The following ALK variants were observed in gnomAD, a reference collection of about 807,000 sequenced individuals.
ALK encodes ALK receptor tyrosine kinase.
A neutral mutation model predicts 163.1 loss-of-function variants in ALK; 74 were observed. The ratio of observed to expected loss-of-function variants is 0.45; its 90% CI spans 0.38 to 0.55. The LOEUF is 0.55. Ranked by LOEUF, ALK falls within the 20% of genes least tolerant of loss-of-function variation. ALK has a pLI of 0.00. For missense variants in ALK, 2,063 were observed against 2,105.3 expected (o/e 0.98, Z 0.39); for synonymous variants, 960 against 843.2 (o/e 1.14, Z -2.40).
chr2:29,557,900 C>T (rs550120163), intron 3 of ALK, among the ~76,000 whole-genome samples: 2 of 152,268 alleles, frequency 1.3e-5, no homozygotes, highest in East Asian at 3.9e-4. Flanking sequence ...TAAGCTTATA[C>T]TCATGCGCTC....
intron 2 of ALK, among the ~76,000 whole-genome samples, chr2:29,704,115 T>C (rs771436591): frequency 2.0e-5 from 3 of 151,980 alleles, no homozygotes; most frequent in Non-Finnish European, 2.9e-5. Flanking sequence ...TAAAGAACCA[T>C]ATGAAACATC....
At chr2:29,520,548 G>A (rs1160001285) in intron 4 of ALK, among the ~76,000 whole-genome samples, 1 of 152,202 alleles carries the variant, frequency 6.6e-6, no homozygotes, top group African/African-American at 2.4e-5. Flanking sequence ...TGTGGAACAG[G>A]CAGCAAATGG....
intron 11 of ALK, among the ~76,000 whole-genome samples, chr2:29,271,878 T>C (rs1235219544): frequency 2.6e-5 from 4 of 152,196 alleles, no homozygotes; most frequent in Non-Finnish European, 2.9e-5. Context: ...GCTCCATAGT[T>C]AGGGTTGTGG....
chr2:29,835,646 G>T (rs925505528), intron 1 of ALK, among the ~76,000 whole-genome samples: 5 of 152,180 alleles, frequency 3.3e-5, no homozygotes, highest in African/African-American at 1.2e-4. Flanking sequence ...ATCTTGAATG[G>T]TAGCTCGCAT....
At chr2:29,877,165 T>C (rs750087944) in intron 1 of ALK, among the ~76,000 whole-genome samples, 2 of 152,274 alleles carry the variant, frequency 1.3e-5, no homozygotes, top group African/African-American at 2.4e-5. Flanking sequence ...CATAAATATA[T>C]AACTTCTTTT....
intron 3 of ALK, among the ~76,000 whole-genome samples, chr2:29,603,486 G>A (rs1043811106): frequency 1.3e-5 from 2 of 152,120 alleles, no homozygotes; most frequent in South Asian, 2.1e-4. Context: ...CAGCCTTCAG[G>A]TCTCTGTTTT....
At chr2:29,242,744 T>TA (rs575504219) in intron 12 of ALK, among the ~76,000 whole-genome samples, 168 of 152,324 alleles carry the variant, frequency 1.1e-3, no homozygotes, top group Middle Eastern at 0.01. Flanking sequence ...CTCATGGGCA[T>TA]ACAAAGCGAA....
rs116053640 is a variant in ALK at position 29,221,412 on chromosome 2, G to A, written c.3516-577C>T. 7.0e-3 allele frequency among the ~76,000 whole-genome samples: 1,070 copies of A among 152,116 alleles called. 9 individuals are homozygous for A. Among genetic ancestry groups the A allele is most frequent in the African/African-American group, 0.025 (1,019 of 41,492 alleles). Reference sequence around the variant, plus strand: ...CAGTAGGGCCTAGGAATTCCACATGGGCCAACATGCATGTGTGTGCATACA... The same window carrying A: ...CAGTAGGGCCTAGGAATTCCACATGAGCCAACATGCATGTGTGTGCATACA... On this transcript the variant is annotated intron_variant, in intron 22 of 28. Transcript: ENST00000389048.
chr2:29,819,818 G>A (rs994778698), intron 1 of ALK, among the ~76,000 whole-genome samples: 4 of 152,200 alleles, frequency 2.6e-5, no homozygotes, highest in African/African-American at 9.7e-5. Flanking sequence ...TACTGGAAGT[G>A]ACTGCTTGCC....
At chr2:29,548,255 C>T (rs1245696050) in intron 3 of ALK, among the ~76,000 whole-genome samples, 2 of 152,132 alleles carry the variant, frequency 1.3e-5, no homozygotes, top group Non-Finnish European at 2.9e-5. Context: ...AGACGGATCA[C>T]GAGGTCAGGA....
intron 9 of ALK, among the ~76,000 whole-genome samples, chr2:29,294,353 C>T (rs533553456): frequency 1.3e-5 from 2 of 152,292 alleles, no homozygotes; most frequent in Non-Finnish European, 2.9e-5. Context: ...ATAAGAAGCC[C>T]GCCTTTATCT....
At position 29,239,792 on chromosome 2, in the gene ALK, T is replaced by G. The variant is rs1558633442; in HGVS notation, c.2243A>C (p.Lys748Thr). 3 of 1,613,534 alleles carry G rather than the reference T, an allele frequency of 1.9e-6. No individual in the cohort carries two copies. In the Admixed American group the frequency reaches 5.0e-5, roughly 27 times the overall value. Residue 748 changes from lysine to threonine, a missense_variant, in exon 13 of 29, where the codon AAG becomes ACG. Physicochemically the swap from Lys to Thr is moderately conservative, Grantham distance 78 (BLOSUM62 -1). This residue lies in a region of ALK where 575 missense variants were observed against 626.6 expected (regional missense o/e 0.92). Coordinates refer to ENST00000389048, the MANE Select transcript of ALK (RefSeq NM_004304.5). ...GCCGTGGGACCGCATCATGGTGTTC[T>G]TCCCGCCTTTCCCGCCAGCAGCTCC... Reference protein sequence around the residue: ...GYGAAGGKGGKNTMMRSHGVS... With the variant: ...GYGAAGGKGGTNTMMRSHGVS...
At chr2:29,806,716 T>C (rs1233565820) in intron 1 of ALK, among the ~76,000 whole-genome samples, 2 of 152,210 alleles carry the variant, frequency 1.3e-5, no homozygotes, top group African/African-American at 2.4e-5. Context: ...GGTGACACCA[T>C]GAGGAAGTCA....
intron 4 of ALK, among the ~76,000 whole-genome samples, chr2:29,500,875 C>T (rs1672157603): frequency 6.6e-6 from 1 of 152,188 alleles, no homozygotes; most frequent in African/African-American, 2.4e-5. Flanking sequence ...TAATGCTTTG[C>T]TCATCTCTGA....
At chr2:29,886,704 TTTGCACAAG>T (rs988559576) in intron 1 of ALK, among the ~76,000 whole-genome samples, 4 of 152,232 alleles carry the variant, frequency 2.6e-5, no homozygotes, top group African/African-American at 9.6e-5. Flanking sequence ...AGAAGTTCAC[TTTGCACAAG>T]TTATATCACC....
At chr2:29,595,477 C>T (rs1019934973) in intron 3 of ALK, among the ~76,000 whole-genome samples, 3 of 152,204 alleles carry the variant, frequency 2.0e-5, no homozygotes, top group African/African-American at 7.2e-5. Flanking sequence ...CCCACCACCA[C>T]GCCCGGCTAA....
chr2:29,816,122 G>A (rs958277373), intron 1 of ALK, among the ~76,000 whole-genome samples: 2 of 152,166 alleles, frequency 1.3e-5, no homozygotes, highest in Admixed American at 6.5e-5. Flanking sequence ...TAGGCTATTC[G>A]AGAAGATAAA....
chr2:29,221,087 C>T (rs1669790430), intron 22 of ALK: 1 of 623,248 alleles, frequency 1.6e-6, no homozygotes, highest in Non-Finnish European at 3.1e-6. Flanking sequence ...GAGGATGTTG[C>T]TCAGGCACTT....
chr2:29,740,636 G>A (rs536231967), intron 1 of ALK, among the ~76,000 whole-genome samples: 1 of 152,304 alleles, frequency 6.6e-6, no homozygotes, highest in Non-Finnish European at 1.5e-5. Flanking sequence ...CTAACATAGA[G>A]TATTTGATAT....
Sources: allele counts gnomAD v4.1 joint callset (sites outside exome capture counted in the v4.1 genomes callset), GRCh38; gene constraint gnomAD v4.1.1; regional missense constraint gnomAD v4.1.1; transcripts MANE v1.5; gene names NCBI Gene and HGNC (gene_info 2026-07-23, HGNC 2026-07-21).